PGBD2: variants seen among roughly 807,000 people sequenced by gnomAD.
The protein encoded by PGBD2 is piggyBac transposable element-derived protein 2.
PGBD2 carries 6 observed loss-of-function variants against 8.1 expected under a neutral mutation model. The ratio of observed to expected loss-of-function variants is 0.74; its 90% CI spans 0.40 to 1.46. The LOEUF is 1.46. Ranked by LOEUF, PGBD2 falls within the 40% of genes most tolerant of loss-of-function variation. The pLI is 0.02. For missense variants in PGBD2, 802 were observed against 739.0 expected (o/e 1.09, Z -0.99); for synonymous variants, 318 against 272.2 (o/e 1.17, Z -1.66).
chr1:248,915,436 A>C (rs540465699), intron 2 of PGBD2, among the ~76,000 whole-genome samples: 4 of 152,368 alleles, frequency 2.6e-5, no homozygotes, highest in African/African-American at 9.6e-5. Flanking sequence ...CTTAATTATA[A>C]AATAGGCTTT....
Position 248,917,764 on chromosome 1 carries a change from AAG to A in PGBD2, c.1183_1184del (p.Arg395GlyfsTer4). On this transcript the variant is annotated frameshift_variant, in exon 3 of 3. Transcript: ENST00000329291. LOFTEE classifies it low-confidence loss of function (END_TRUNC). ...AGACCCCAAAGAACTGAAAAAAATGAAGAGGGGTTCATTTGATTACAAAGTCG... is the reference window on the plus strand; with the variant it reads ...AGACCCCAAAGAACTGAAAAAAATGAAGGGGTTCATTTGATTACAAAGTCG... ...LKDPKELKKM[K>X]RGSFDYKVDE... is the part of the protein sequence containing the mutation. 1 of 1,614,224 alleles carries A rather than the reference AAG, an allele frequency of 6.2e-7. No homozygotes were observed.
At position 248,916,650 on chromosome 1, in the gene PGBD2, G is replaced by C. The variant is rs766519784; in HGVS notation, c.66G>C (p.Lys22Asn). Residue 22 changes from lysine to asparagine, a missense_variant, in exon 3 of 3, where the codon AAG (lysine) becomes AAC (asparagine). Physicochemically the swap from Lys to Asn is moderately conservative, Grantham distance 94. Coordinates refer to ENST00000329291, the MANE Select transcript of PGBD2 (RefSeq NM_170725.3). ...RGIHSKVKSA[K>N]LLEVLNAMEE... ...TCCACTCAAAGGTGAAGTCTGCAAA[G>C]CTGCTTGAGGTTCTGAATGCTATGG... 1.2e-6 allele frequency: 2 copies of C among 1,614,060 alleles called. No individual in the cohort carries two copies. Among genetic ancestry groups the C allele is most frequent in the African/African-American group, 2.7e-5 (2 of 74,926 alleles).
At chr1:248,922,473 G>T (rs1662306475), downstream of PGBD2, among the ~76,000 whole-genome samples, 1 of 152,112 alleles carries the variant, frequency 6.6e-6, no homozygotes, top group Non-Finnish European at 1.5e-5. Context: ...CATTGCCCTG[G>T]CCAGAACTTC....
chr1:248,894,791 C>T, the PGBD2 span, among the ~76,000 whole-genome samples: 3 of 145,390 alleles, frequency 2.1e-5, no homozygotes, highest in South Asian at 2.3e-4. Flanking sequence ...TTTTCTCTCT[C>T]TCTCTTTCTT....
chr1:248,900,721 G>C, the PGBD2 span, among the ~76,000 whole-genome samples: 1 of 152,158 alleles, frequency 6.6e-6, no homozygotes, highest in South Asian at 2.1e-4. Flanking sequence ...TATTCAACAT[G>C]GTATTGGAAG....
chr1:248,927,658 G>GC, the PGBD2 span, among the ~76,000 whole-genome samples: 1 of 152,144 alleles, frequency 6.6e-6, no homozygotes, highest in Non-Finnish European at 1.5e-5. Context: ...CATGGCCCAT[G>GC]CATGGTAGTT....
intron 1 of PGBD2, among the ~76,000 whole-genome samples, chr1:248,912,285 G>A (rs531313341): frequency 6.6e-6 from 1 of 152,268 alleles, no homozygotes; most frequent in South Asian, 2.1e-4. Context: ...GACAGGGTCA[G>A]GGCGACTGGT....
chr1:248,893,183 C>T, the PGBD2 span, among the ~76,000 whole-genome samples: 1 of 152,172 alleles, frequency 6.6e-6, no homozygotes, highest in Non-Finnish European at 1.5e-5. Context: ...TGAACACATC[C>T]ATCAATTTCA....
At chr1:248,888,370 A>G in the PGBD2 span, among the ~76,000 whole-genome samples, 172 of 152,294 alleles carry the variant, frequency 1.1e-3, 1 homozygote, top group Non-Finnish European at 1.6e-3. Context: ...ACATTCCCAC[A>G]TAAGTATTCC....
upstream of PGBD2, among the ~76,000 whole-genome samples, chr1:248,905,147 A>G (rs1231791677): frequency 6.6e-6 from 1 of 152,180 alleles, no homozygotes. Context: ...TGACAAACTA[A>G]TACGTGCCCT....
At chr1:248,923,687 C>T (rs948267978), downstream of PGBD2, among the ~76,000 whole-genome samples, 1 of 152,226 alleles carries the variant, frequency 6.6e-6, no homozygotes, top group Non-Finnish European at 1.5e-5. Context: ...ACTTTCTTTT[C>T]CTCATACAGT....
chr1:248,925,338 G>A, the PGBD2 span, among the ~76,000 whole-genome samples: 7 of 152,202 alleles, frequency 4.6e-5, no homozygotes, highest in Admixed American at 4.6e-4. Context: ...GTGGGGCCCA[G>A]GCAGGGGAAG....
intron 1 of PGBD2, among the ~76,000 whole-genome samples, chr1:248,908,805 G>T (rs1312892542): frequency 3.3e-5 from 5 of 151,842 alleles, no homozygotes; most frequent in Admixed American, 6.6e-5. Flanking sequence ...CCTTACTCTG[G>T]CGTCACTGCT....
the PGBD2 span, among the ~76,000 whole-genome samples, chr1:248,888,519 T>C: frequency 6.6e-6 from 1 of 152,232 alleles, no homozygotes; most frequent in Non-Finnish European, 1.5e-5. Context: ...TTTTTTTACA[T>C]ATTGGTTGGC....
At chr1:248,907,193 A>G (rs557783054) in intron 1 of PGBD2, among the ~76,000 whole-genome samples, 2 of 152,370 alleles carry the variant, frequency 1.3e-5, no homozygotes, top group South Asian at 4.1e-4. Context: ...AATTTATGTC[A>G]TAAGTTCAAG....
At chr1:248,894,701 CCTTT>C in the PGBD2 span, among the ~76,000 whole-genome samples, 7 of 129,932 alleles carry the variant, frequency 5.4e-5, no homozygotes, top group East Asian at 9.1e-4. Context: ...CTCCCTCCCT[CCTTT>C]CTTTCTTGCT....
chr1:248,907,044 C>G (rs189699164), intron 1 of PGBD2, among the ~76,000 whole-genome samples: 2 of 152,210 alleles, frequency 1.3e-5, no homozygotes, highest in East Asian at 3.9e-4. Flanking sequence ...CGGCACTCAG[C>G]ATACCAAGGA....
chr1:248,927,312 G>A, the PGBD2 span, among the ~76,000 whole-genome samples: 7 of 152,172 alleles, frequency 4.6e-5, no homozygotes, highest in Admixed American at 3.9e-4. Flanking sequence ...CAATCCATCA[G>A]CATGGCCAGA....
chr1:248,907,621 G>A (rs1031258346), intron 1 of PGBD2, among the ~76,000 whole-genome samples: 1 of 152,156 alleles, frequency 6.6e-6, no homozygotes, highest in African/African-American at 2.4e-5. Context: ...TGCGCCCCTT[G>A]TTTATTGAGA....
Sources: allele counts gnomAD v4.1 joint callset (sites outside exome capture counted in the v4.1 genomes callset), GRCh38; gene constraint gnomAD v4.1.1; transcripts MANE v1.5; gene names NCBI Gene and HGNC (gene_info 2026-07-23, HGNC 2026-07-21).